DNAI3: variants seen among roughly 807,000 people sequenced by gnomAD.
The protein encoded by DNAI3 is dynein axonemal intermediate chain 3.
A neutral mutation model predicts 115.5 loss-of-function variants in DNAI3; 83 were observed. That is an observed-to-expected ratio of 0.72 (90% CI 0.60 to 0.86). DNAI3 has a LOEUF of 0.86. Ranked by LOEUF, DNAI3 falls within the 40% of genes least tolerant of loss-of-function variation. The probability of loss-of-function intolerance (pLI) is 0.00; values close to 1 mark genes in which losing one functional copy is unlikely to be tolerated. For synonymous variants in DNAI3, 320 were observed against 347.0 expected, an observed-to-expected ratio of 0.92 and a Z score of 0.86; for missense variants, 1,004 against 1,075.8, an observed-to-expected ratio of 0.93 and a Z score of 0.93.
chr1:85,101,441 G>A (rs561475152), intron 13 of DNAI3, among the ~76,000 whole-genome samples: 1 of 152,202 alleles, frequency 6.6e-6, no homozygotes, highest in Non-Finnish European at 1.5e-5. Flanking sequence ...GAAAATAACA[G>A]GCTGGGCGCA....
intron 11 of DNAI3, 126 bp downstream of exon 11, chr1:85,096,146 C>A: frequency 1.3e-6 from 1 of 786,812 alleles, no homozygotes; most frequent in East Asian, 2.6e-5. Context: ...AATTGTGTGC[C>A]AGACACCACA....
rs770329850 is a variant in DNAI3, at chr1:85,073,104, T to C, written c.103+12T>C. The C allele has an allele frequency of 6.6e-7, 1 of 1,526,392 alleles. No individual in the cohort carries two copies. Among genetic ancestry groups the C allele is most frequent in the South Asian group, 1.3e-5 (1 of 74,768 alleles). 94.6% of individuals were successfully genotyped at this position (1,526,392 alleles called of 1,614,324 possible). On this transcript the variant is annotated intron_variant, in intron 3 of 22. Coordinates refer to ENST00000294664, the MANE Select transcript of DNAI3 (RefSeq NM_145172.5). ...TATGGAGAGCATGGGTAAGTGGAAA[T>C]ATAATTTACAACTTACATCCTCAGT...
intron 16 of DNAI3, among the ~76,000 whole-genome samples, chr1:85,116,572 C>T (rs982982136): frequency 6.6e-6 from 1 of 152,132 alleles, no homozygotes; most frequent in African/African-American, 2.4e-5. Context: ...AAGAGAGGAA[C>T]AGACATTGAA....
Position 85,094,459 on chromosome 1 carries a change from A to G in DNAI3, c.1077A>G (p.Arg359=). The change falls in exon 10 of 23, where the codon CGA becomes CGG. Residue 359 remains arginine (R), a synonymous_variant. Transcript: ENST00000294664. ...YGLIAVSVAV[R]LSFEDRVHFS... ...TAATAGCTGTGTCGGTAGCCGTGCG[A>G]CTTTCTTTTGAAGACAGAGTTCACT... 6.2e-7 allele frequency: 1 copy of G among 1,614,182 alleles called. No homozygotes were observed.
At chr1:85,070,202 G>A (rs916951282) in intron 1 of DNAI3, among the ~76,000 whole-genome samples, 87 of 151,942 alleles carry the variant, frequency 5.7e-4, no homozygotes, top group African/African-American at 2.0e-3. Flanking sequence ...CGGAGGTTGC[G>A]GTGAGCTGAG....
intron 16 of DNAI3, among the ~76,000 whole-genome samples, chr1:85,116,487 C>T (rs1452920273): frequency 3.9e-5 from 6 of 152,126 alleles, no homozygotes; most frequent in African/African-American, 1.2e-4. Context: ...AGTTCAGATT[C>T]TCAATGTATG....
At chr1:85,066,979 TAA>T (rs1654120474) in intron 1 of DNAI3, among the ~76,000 whole-genome samples, 1 of 152,282 alleles carries the variant, frequency 6.6e-6, no homozygotes, top group Admixed American at 6.5e-5. Context: ...TACCCCCAAT[TAA>T]AAGTTATTTA....
chr1:85,120,225 C>T (rs1480888737), intron 17 of DNAI3, among the ~76,000 whole-genome samples: 1 of 152,212 alleles, frequency 6.6e-6, no homozygotes, highest in Non-Finnish European at 1.5e-5. Flanking sequence ...ACAGCTGATC[C>T]ATCTACTTTG....
rs772213861 is a variant in DNAI3, at chr1:85,132,849, C to G, written c.2533-6C>G. 1.9e-6 allele frequency: 3 copies of G among 1,611,466 alleles called. No individual in the cohort carries two copies. In the South Asian group the frequency reaches 3.3e-5, roughly 18 times the overall value. ...TAGGGATGTCTTGTTTTTCTTCCCC[C>G]CCCAGAAAACATATCAGAAGTCAAA... On this transcript the variant is annotated splice_polypyrimidine_tract_variant and splice_region_variant and intron_variant, in intron 22 of 22. Coordinates refer to ENST00000294664, the MANE Select transcript of DNAI3 (RefSeq NM_145172.5).
intron 21 of DNAI3, 37 bp downstream of exon 21, chr1:85,128,836 A>G (rs1241635472): frequency 6.4e-7 from 1 of 1,555,660 alleles, no homozygotes; most frequent in Admixed American, 1.7e-5. Flanking sequence ...AATTAATGTG[A>G]CCAGATATTG....
intron 20 of DNAI3, among the ~76,000 whole-genome samples, chr1:85,127,406 T>C (rs1176662148): frequency 6.6e-6 from 1 of 152,148 alleles, no homozygotes; most frequent in Non-Finnish European, 1.5e-5. Flanking sequence ...TATGTTTGCC[T>C]TTTTTTATTT....
intron 2 of DNAI3, among the ~76,000 whole-genome samples, 171 bp from the exon 3 acceptor site, chr1:85,072,883 A>G (rs1173064367): frequency 7.2e-6 from 1 of 138,002 alleles, no homozygotes; most frequent in Non-Finnish European, 1.5e-5. Flanking sequence ...TGAACCCAGG[A>G]TGTGGTGCTT....
At chr1:85,101,615 C>T (rs548165386) in intron 13 of DNAI3, among the ~76,000 whole-genome samples, 88 of 151,008 alleles carry the variant, frequency 5.8e-4, no homozygotes, top group African/African-American at 2.1e-3. Context: ...GTAGTCCCAG[C>T]TACTCCAGAG....
intron 18 of DNAI3, among the ~76,000 whole-genome samples, chr1:85,123,881 AT>A (rs1183739309): frequency 8.5e-5 from 13 of 152,358 alleles, no homozygotes; most frequent in African/African-American, 3.1e-4. Flanking sequence ...GAGTAAATGA[AT>A]AACACAAAGT....
intron 7 of DNAI3, among the ~76,000 whole-genome samples, chr1:85,087,350 T>A (rs1346812086): frequency 2.8e-5 from 4 of 144,368 alleles, no homozygotes; most frequent in Non-Finnish European, 6.0e-5. Flanking sequence ...ACAGGAGAAT[T>A]GCTTGAACCC....
intron 15 of DNAI3, 147 bp downstream of exon 15, chr1:85,108,324 A>AAGG: frequency 1.2e-6 from 1 of 846,282 alleles, no homozygotes; most frequent in Non-Finnish European, 1.7e-6. Flanking sequence ...TTCAACCAAT[A>AAGG]AATTCCTTGA....
chr1:85,097,182 C>T (rs565820737), intron 11 of DNAI3, among the ~76,000 whole-genome samples: 161 of 152,060 alleles, frequency 1.1e-3, no homozygotes, highest in African/African-American at 3.7e-3. Context: ...TTTGGACAGT[C>T]GGGTGTTTGT....
At chr1:85,089,311 C>A (rs12092086) in intron 7 of DNAI3, among the ~76,000 whole-genome samples, 3 of 151,084 alleles carry the variant, frequency 2.0e-5, no homozygotes, top group African/African-American at 7.3e-5. Context: ...CAAAGCCAGG[C>A]AGCCAATCAC....
chr1:85,092,167 C>T (rs1654998963), intron 8 of DNAI3, among the ~76,000 whole-genome samples: 1 of 152,110 alleles, frequency 6.6e-6, no homozygotes, highest in African/African-American at 2.4e-5. Context: ...TTTCTAACAG[C>T]CCCAGGTCAT....
Sources: gnomAD v4.1 joint callset for allele counts (sites outside exome capture counted in the v4.1 genomes callset) on GRCh38, gnomAD v4.1.1 for gene constraint, MANE v1.5 for transcripts, NCBI Gene and HGNC (gene_info 2026-07-23, HGNC 2026-07-21) for gene names.